NEGR1: variants seen among roughly 807,000 people sequenced by gnomAD.
The protein encoded by NEGR1 is neuronal growth regulator 1, also known as IgLON family member 4.
NEGR1 carries 10 observed loss-of-function variants against 40.9 expected under a neutral mutation model. The ratio of observed to expected loss-of-function variants is 0.24; its 90% CI spans 0.15 to 0.42. The LOEUF (loss-of-function observed/expected upper bound fraction) is 0.42. Ranked by LOEUF, NEGR1 falls within the 10% of genes least tolerant of loss-of-function variation. The probability of loss-of-function intolerance (pLI) is 1.00; values close to 1 mark genes in which losing one functional copy is unlikely to be tolerated. For missense variants in NEGR1, 352 were observed against 438.9 expected (o/e 0.80, Z 1.77); for synonymous variants, 185 against 166.8 (o/e 1.11, Z -0.84).
At chr1:71,718,025 G>A (rs1447447091) in intron 3 of NEGR1, among the ~76,000 whole-genome samples, 3 of 152,096 alleles carry the variant, frequency 2.0e-5, no homozygotes, top group African/African-American at 7.2e-5. Flanking sequence ...TTCTGCTGTT[G>A]AAGCCACCCC....
intron 4 of NEGR1, among the ~76,000 whole-genome samples, chr1:71,684,200 G>A (rs766257653): frequency 9.2e-5 from 14 of 151,960 alleles, no homozygotes; most frequent in Non-Finnish European, 1.8e-4. Context: ...AACCCGGGAG[G>A]GCGGAGCTTG....
At chr1:72,142,115 G>T (rs1487638864) in intron 1 of NEGR1, among the ~76,000 whole-genome samples, 2 of 151,844 alleles carry the variant, frequency 1.3e-5, no homozygotes, top group Non-Finnish European at 2.9e-5. Flanking sequence ...GCTGGAGAAG[G>T]CCCGTACTTC....
At chr1:71,953,770 A>G (rs1012189193) in intron 1 of NEGR1, among the ~76,000 whole-genome samples, 1 of 152,054 alleles carries the variant, frequency 6.6e-6, no homozygotes, top group Non-Finnish European at 1.5e-5. Flanking sequence ...GGACTTGTTG[A>G]AGGCTCAAAT....
At chr1:71,924,620 AT>A (rs558101865) in intron 2 of NEGR1, among the ~76,000 whole-genome samples, 278 of 152,296 alleles carry the variant, frequency 1.8e-3, no homozygotes, top group African/African-American at 6.3e-3. Flanking sequence ...CTCTTTTTAA[AT>A]GTTAAACTCT....
chr1:71,789,375 G>C (rs532210628), intron 2 of NEGR1, among the ~76,000 whole-genome samples: 24 of 152,218 alleles, frequency 1.6e-4, no homozygotes, highest in Admixed American at 2.6e-4. Flanking sequence ...TGTTTAATGG[G>C]AATATTTTAG....
chr1:71,429,668 T>C (rs1646452860), intron 6 of NEGR1, among the ~76,000 whole-genome samples: 1 of 152,176 alleles, frequency 6.6e-6, no homozygotes, highest in African/African-American at 2.4e-5. Context: ...AATTAAAACA[T>C]TGGGTAGGGA....
chr1:71,586,863 C>T (rs1649325498), intron 6 of NEGR1, among the ~76,000 whole-genome samples: 1 of 152,062 alleles, frequency 6.6e-6, no homozygotes, highest in Non-Finnish European at 1.5e-5. Flanking sequence ...ACTTGATAGG[C>T]CTGTGTAGCT....
intron 6 of NEGR1, among the ~76,000 whole-genome samples, chr1:71,539,781 A>C (rs1417967033): frequency 6.6e-6 from 1 of 151,798 alleles, no homozygotes; most frequent in African/African-American, 2.4e-5. Flanking sequence ...CCTCTTAGTT[A>C]ATCAAAAGCC....
At chr1:72,060,025 C>T (rs1647151732) in intron 1 of NEGR1, among the ~76,000 whole-genome samples, 1 of 151,548 alleles carries the variant, frequency 6.6e-6, no homozygotes, top group African/African-American at 2.4e-5. Flanking sequence ...TTAAAGAATC[C>T]ATCTTGCAGT....
chr1:71,812,068 C>T (rs1041846541), intron 2 of NEGR1, among the ~76,000 whole-genome samples: 1 of 151,984 alleles, frequency 6.6e-6, no homozygotes, highest in South Asian at 2.1e-4. Flanking sequence ...CCCCAACAGG[C>T]CACAGTGTGT....
At chr1:71,537,790 T>C (rs1339967512) in intron 6 of NEGR1, among the ~76,000 whole-genome samples, 1 of 151,774 alleles carries the variant, frequency 6.6e-6, no homozygotes, top group Non-Finnish European at 1.5e-5. Context: ...TGTTTTTATA[T>C]GGATTGGTTT....
rs534709319 is a variant in NEGR1, at chr1:71,499,052, A to G, written c.941-91482T>C. Among the ~76,000 whole-genome samples the G allele has an allele frequency of 1.4e-3, 216 of 152,262 alleles. 2 individuals carry two copies. Among genetic ancestry groups the G allele is most frequent in the Middle Eastern group, 0.014 (4 of 294 alleles). On this transcript the variant is annotated intron_variant, in intron 6 of 6. Transcript: ENST00000357731. ...TACAAATACCTTGACAAAAATTCAGAATTCAGCTTTCTTCATTTTCTCTCT... is the reference window on the plus strand; with the variant it reads ...TACAAATACCTTGACAAAAATTCAGGATTCAGCTTTCTTCATTTTCTCTCT...
chr1:71,749,988 C>CTTTTTTTTTTTT lies in NEGR1; in HGVS notation c.535+26172_535+26183dup, dbSNP rs768011020. Among the ~76,000 whole-genome samples the CTTTTTTTTTTTT allele has an allele frequency of 8.2e-3, 1,124 of 136,410 alleles. 47 individuals are homozygous for CTTTTTTTTTTTT. Among genetic ancestry groups the CTTTTTTTTTTTT allele is most frequent in the African/African-American group, 0.026 (935 of 36,080 alleles). The allele number at this position is 136,410 out of a possible 152,430, so 89.5% of individuals were successfully genotyped here. On this transcript the variant is annotated intron_variant, in intron 3 of 6. Coordinates refer to ENST00000357731, the MANE Select transcript of NEGR1 (RefSeq NM_173808.3). ...TCCTGATGAAATGGTTTGCTCCTTT[C>CTTTTTTTTTTTT]TTTTTTTTTTTTTTTTGAGACGGAG...
intron 6 of NEGR1, among the ~76,000 whole-genome samples, chr1:71,559,659 T>C (rs906062878): frequency 1.3e-5 from 2 of 151,580 alleles, no homozygotes; most frequent in South Asian, 2.1e-4. Context: ...AATAACACTT[T>C]AAACTTTTAA....
intron 3 of NEGR1, among the ~76,000 whole-genome samples, chr1:71,725,381 T>C (rs1318011258): frequency 6.6e-6 from 1 of 152,114 alleles, no homozygotes; most frequent in Non-Finnish European, 1.5e-5. Flanking sequence ...TGATCCGTCA[T>C]TGCAGATACT....
chr1:71,882,752 G>A (rs1660617115), intron 2 of NEGR1, among the ~76,000 whole-genome samples: 1 of 148,826 alleles, frequency 6.7e-6, no homozygotes, highest in African/African-American at 2.5e-5. Context: ...AGCATGTTGA[G>A]GTCTTCCCAA....
At chr1:71,562,960 G>A (rs1285501843) in intron 6 of NEGR1, among the ~76,000 whole-genome samples, 2 of 151,890 alleles carry the variant, frequency 1.3e-5, no homozygotes, top group African/African-American at 4.8e-5. Flanking sequence ...AAGATGTGGT[G>A]CACATCACTT....
At chr1:71,574,860 A>C (rs1648915259) in intron 6 of NEGR1, among the ~76,000 whole-genome samples, 1 of 152,212 alleles carries the variant, frequency 6.6e-6, no homozygotes, top group African/African-American at 2.4e-5. Flanking sequence ...ATTGAACTCA[A>C]AATACATAAA....
chr1:71,609,470 A>C (rs1456682789), intron 5 of NEGR1, among the ~76,000 whole-genome samples: 2 of 126,904 alleles, frequency 1.6e-5, no homozygotes, highest in African/African-American at 2.9e-5. Context: ...AGCCGACATC[A>C]CGCCACTGCA....
Sources: gnomAD v4.1 joint callset for allele counts (sites outside exome capture counted in the v4.1 genomes callset) on GRCh38, gnomAD v4.1.1 for gene constraint, MANE v1.5 for transcripts, NCBI Gene and HGNC (gene_info 2026-07-23, HGNC 2026-07-21) for gene names.